The following ADAMTS16 variants were observed in gnomAD, a reference collection of about 807,000 sequenced individuals.
The protein encoded by ADAMTS16 is A disintegrin and metalloproteinase with thrombospondin motifs 16.
ADAMTS16 carries 94 observed loss-of-function variants against 145.8 expected under a neutral mutation model. That is an observed-to-expected ratio of 0.64 (90% confidence interval 0.55 to 0.77). The LOEUF is 0.77. ADAMTS16 is among the 30% of genes least tolerant of loss of function. The probability of loss-of-function intolerance (pLI) is 0.00; values close to 1 mark genes in which losing one functional copy is unlikely to be tolerated. For synonymous variants in ADAMTS16, 659 were observed against 604.3 expected (o/e 1.09, Z -1.33); for missense variants, 1,585 against 1,591.5 (o/e 1.00, Z 0.07).
At chr5:5,289,264 C>T (rs183893469) in intron 18 of ADAMTS16, among the ~76,000 whole-genome samples, 3 of 152,338 alleles carry the variant, frequency 2.0e-5, no homozygotes, top group Admixed American at 6.5e-5. Flanking sequence ...ACTGATTCTG[C>T]GTGGCTGTTA....
At position 5,232,357 on chromosome 5, in the gene ADAMTS16, G is replaced by A; in HGVS notation, c.1702-11G>A. The A allele has an allele frequency of 6.2e-7, 1 of 1,613,948 alleles. No individual in the cohort carries two copies. The highest frequency in any genetic ancestry group is 8.5e-7 in the Non-Finnish European group (1 of 1,179,974). ...TGAGTCAAGTCAACTTATTTATGTT[G>A]AAAATTTTAGTGGTGCCGGGGAGGA... is the stretch of plus-strand genomic sequence containing the variant. On this transcript the variant is annotated splice_polypyrimidine_tract_variant and intron_variant, in intron 11 of 22. Transcript: ENST00000274181.
chr5:5,224,962 A>C (rs1413884445), intron 11 of ADAMTS16, among the ~76,000 whole-genome samples: 1 of 151,784 alleles, frequency 6.6e-6, no homozygotes, highest in Non-Finnish European at 1.5e-5. Flanking sequence ...CATTAAATTG[A>C]TTTCCATTGA....
intron 17 of ADAMTS16, among the ~76,000 whole-genome samples, chr5:5,252,575 A>G (rs1433217047): frequency 3.3e-5 from 5 of 152,164 alleles, no homozygotes; most frequent in African/African-American, 7.2e-5. Context: ...CCCCCCTCAT[A>G]TGACTTTAAT....
intron 18 of ADAMTS16, among the ~76,000 whole-genome samples, chr5:5,265,435 A>G (rs967985435): frequency 1.3e-5 from 2 of 152,178 alleles, no homozygotes; most frequent in Non-Finnish European, 2.9e-5. Context: ...TCGGTTTGCC[A>G]ACTGGCGGTC....
At chr5:5,210,400 T>C (rs917676847) in intron 10 of ADAMTS16, among the ~76,000 whole-genome samples, 3 of 152,190 alleles carry the variant, frequency 2.0e-5, no homozygotes, top group African/African-American at 7.2e-5. Flanking sequence ...TTTTTATTAT[T>C]GAGGACATAT....
intron 3 of ADAMTS16, among the ~76,000 whole-genome samples, chr5:5,154,693 T>C (rs941540868): frequency 6.6e-6 from 1 of 152,178 alleles, no homozygotes; most frequent in African/African-American, 2.4e-5. Context: ...CTTCAGATTC[T>C]CTGTCCAGCG....
intron 9 of ADAMTS16, among the ~76,000 whole-genome samples, chr5:5,203,775 C>T (rs1044400431): frequency 6.6e-6 from 1 of 152,026 alleles, no homozygotes. Context: ...TAAATCATGC[C>T]CTGCAGATCA....
intron 18 of ADAMTS16, among the ~76,000 whole-genome samples, chr5:5,300,389 T>A (rs947509248): frequency 2.6e-5 from 4 of 151,796 alleles, no homozygotes; most frequent in African/African-American, 9.7e-5. Context: ...TAACATGGAA[T>A]TAAAAAAAAA....
At chr5:5,304,480 C>T (rs1447555260) in intron 20 of ADAMTS16, among the ~76,000 whole-genome samples, 3 of 152,054 alleles carry the variant, frequency 2.0e-5, no homozygotes, top group Admixed American at 1.3e-4. Context: ...CCTGTCTGAA[C>T]GGGGTATTGA....
intron 3 of ADAMTS16, among the ~76,000 whole-genome samples, chr5:5,167,390 A>T (rs1734911889): frequency 6.6e-6 from 1 of 152,212 alleles, no homozygotes; most frequent in South Asian, 2.1e-4. Flanking sequence ...CTTATGTCCC[A>T]GGAATATATT....
chr5:5,229,795 A>C (rs1446853780), intron 11 of ADAMTS16, among the ~76,000 whole-genome samples: 1 of 152,198 alleles, frequency 6.6e-6, no homozygotes, highest in Non-Finnish European at 1.5e-5. Context: ...GTTTTTTCTT[A>C]AAAGAAGTAA....
intron 10 of ADAMTS16, among the ~76,000 whole-genome samples, chr5:5,217,623 T>C (rs970852016): frequency 2.0e-5 from 3 of 152,222 alleles, no homozygotes; most frequent in Non-Finnish European, 4.4e-5. Flanking sequence ...TCTGAAAATG[T>C]TGGTTTTACC....
At position 5,232,459 on chromosome 5, in the gene ADAMTS16, G is replaced by T; in HGVS notation, c.1793G>T (p.Cys598Phe). 6.2e-7 allele frequency: 1 copy of T among 1,614,096 alleles called. No individual in the cohort carries two copies. The highest frequency in any genetic ancestry group is 8.5e-7 in the Non-Finnish European group (1 of 1,180,010). The change falls in exon 12 of 23, where the codon TGC becomes TTC. Residue 598 changes from cysteine to phenylalanine, a missense_variant. Physicochemically the swap from Cys to Phe is radical, Grantham distance 205. This residue lies in a region of ADAMTS16 where 298 missense variants were observed against 367.6 expected (regional missense o/e 0.81). Transcript: ENST00000274181. ...TCGGACTGGTCTTCTTGGTCCCCAT[G>T]CTCCAGGACCTGCGGAGGGGGAGTA... ...HWSDWSSWSP[C>F]SRTCGGGVSH...
intron 9 of ADAMTS16, among the ~76,000 whole-genome samples, chr5:5,208,453 A>G (rs922380894): frequency 2.0e-5 from 3 of 152,204 alleles, no homozygotes; most frequent in Non-Finnish European, 4.4e-5. Context: ...AGAGAAGAGG[A>G]TAATCTATTT....
At chr5:5,220,156 C>CTTTTTTTT (rs11323873) in intron 10 of ADAMTS16, among the ~76,000 whole-genome samples, 1 of 118,244 alleles carries the variant, frequency 8.5e-6, no homozygotes, top group African/African-American at 3.4e-5. Context: ...AATAATTTAA[C>CTTTTTTTT]TTTTTTTTTT....
At chr5:5,315,450 C>CAAA (rs34004364) in intron 21 of ADAMTS16, among the ~76,000 whole-genome samples, 2 of 147,344 alleles carry the variant, frequency 1.4e-5, no homozygotes, top group African/African-American at 5.0e-5. Context: ...TTAAATGATA[C>CAAA]AAAAAAAAAA....
intron 18 of ADAMTS16, among the ~76,000 whole-genome samples, chr5:5,281,033 C>T (rs768444084): frequency 1.3e-5 from 2 of 152,200 alleles, no homozygotes; most frequent in African/African-American, 2.4e-5. Context: ...GCAATATTCA[C>T]CATTGGATGC....
At chr5:5,242,000 C>A in intron 16 of ADAMTS16, 53 bp from the exon 17 acceptor site, 1 of 1,601,698 alleles carries the variant, frequency 6.2e-7, no homozygotes, top group Non-Finnish European at 8.5e-7. Flanking sequence ...TTAGCATGTA[C>A]TTGCTGGTTT....
intron 17 of ADAMTS16, among the ~76,000 whole-genome samples, chr5:5,254,548 T>C (rs1383622707): frequency 3.9e-5 from 6 of 152,160 alleles, no homozygotes; most frequent in African/African-American, 7.2e-5. Context: ...AATATTCAGA[T>C]ATATTGATGT....
Sources: allele counts gnomAD v4.1 joint callset (sites outside exome capture counted in the v4.1 genomes callset), GRCh38; gene constraint gnomAD v4.1.1; regional missense constraint gnomAD v4.1.1; transcripts MANE v1.5; gene names NCBI Gene and HGNC (gene_info 2026-07-23, HGNC 2026-07-21).